Variants in PPP2R2D observed in about 807,000 individuals in gnomAD.
The protein encoded by PPP2R2D is protein phosphatase 2 regulatory subunit Bdelta.
In PPP2R2D, 9 loss-of-function variants were observed where a neutral mutation model predicts 31.1. That is an observed-to-expected ratio of 0.29 (90% CI 0.17 to 0.51). The LOEUF (loss-of-function observed/expected upper bound fraction) is 0.51. Ranked by LOEUF, PPP2R2D falls within the 20% of genes least tolerant of loss-of-function variation. PPP2R2D has a pLI of 0.98. For missense variants in PPP2R2D, 391 were observed against 465.6 expected, an observed-to-expected ratio of 0.84 and a Z score of 1.48; for synonymous variants, 179 against 172.6, an observed-to-expected ratio of 1.04 and a Z score of -0.29.
chr10:131,903,200 C>T (rs1020092792), intron 2 of PPP2R2D, among the ~76,000 whole-genome samples: 7 of 152,026 alleles, frequency 4.6e-5, no homozygotes, highest in Admixed American at 6.6e-5. Flanking sequence ...GGTGTTGTGG[C>T]TCATGCCTAT....
chr10:131,926,109 A>G (rs1444866367), intron 2 of PPP2R2D, among the ~76,000 whole-genome samples: 2 of 152,254 alleles, frequency 1.3e-5, no homozygotes, highest in East Asian at 3.9e-4. Flanking sequence ...TTGCCTGTGT[A>G]TTGCATTTGG....
Position 131,957,762 on chromosome 10 carries a change from C to T in PPP2R2D, c.*1799C>T. The T allele has an allele frequency of 6.5e-6, 1 of 153,720 alleles. No individual in the cohort carries two copies. The highest frequency in any genetic ancestry group is 2.1e-4 in the East Asian group (1 of 4,760). The allele number at this position is 153,720 out of a possible 1,614,324, so 9.5% of individuals were successfully genotyped here. On this transcript the variant is annotated 3_prime_UTR_variant, in exon 9 of 9. Transcript: ENST00000455566. The stretch of plus-strand genomic sequence containing the variant: ...GTGGAGATGAAGGGGTGTGCCAATC[C>T]CCCGCGCCCCTGTGGAGATGGAGGC...
chr10:131,940,416 T>G (rs1353108815), intron 4 of PPP2R2D, among the ~76,000 whole-genome samples, 166 bp from the exon 5 acceptor site: 1 of 152,224 alleles, frequency 6.6e-6, no homozygotes, highest in Non-Finnish European at 1.5e-5. Context: ...CTGCACATCT[T>G]TCTTTATTGT....
At chr10:131,962,834 G>A (rs2036942174), downstream of PPP2R2D, among the ~76,000 whole-genome samples, 2 of 152,348 alleles carry the variant, frequency 1.3e-5, no homozygotes, top group South Asian at 2.1e-4. Context: ...CAGAGGTCCA[G>A]ATAGAGCTCC....
At chr10:131,932,809 A>C (rs1239967425) in intron 2 of PPP2R2D, among the ~76,000 whole-genome samples, 2 of 152,116 alleles carry the variant, frequency 1.3e-5, no homozygotes, top group Admixed American at 1.3e-4. Context: ...TTGTGTATTT[A>C]GTTTGGGTTT....
intron 2 of PPP2R2D, among the ~76,000 whole-genome samples, chr10:131,913,621 G>C (rs1410379218): frequency 6.6e-6 from 1 of 152,150 alleles, no homozygotes; most frequent in Admixed American, 6.5e-5. Context: ...CTTAATGATG[G>C]GGGTGGATAT....
intron 8 of PPP2R2D, among the ~76,000 whole-genome samples, chr10:131,949,604 GATAAACTAAGA>G (rs2036603859): frequency 2.6e-5 from 4 of 152,258 alleles, no homozygotes; most frequent in Non-Finnish European, 5.9e-5. Context: ...AGTTAAAGAA[GATAAACTAAGA>G]ATGCTTGAGA....
At chr10:131,964,313 T>C (rs2036953823), downstream of PPP2R2D, among the ~76,000 whole-genome samples, 1 of 152,134 alleles carries the variant, frequency 6.6e-6, no homozygotes, top group African/African-American at 2.4e-5. Flanking sequence ...GGTATTTGCC[T>C]AATGGTGACT....
At chr10:131,925,698 C>G (rs570270496) in intron 2 of PPP2R2D, among the ~76,000 whole-genome samples, 21 of 152,196 alleles carry the variant, frequency 1.4e-4, no homozygotes, top group African/African-American at 4.8e-4. Flanking sequence ...CTCCTTAGTT[C>G]AGCTAAATTC....
intron 3 of PPP2R2D, among the ~76,000 whole-genome samples, chr10:131,937,463 C>T (rs1382389215): frequency 6.6e-6 from 1 of 152,192 alleles, no homozygotes; most frequent in Non-Finnish European, 1.5e-5. Context: ...CCCTGCTCTC[C>T]TGCCCGTGTC....
At chr10:131,944,592 T>C (rs1554897678) in intron 6 of PPP2R2D, among the ~76,000 whole-genome samples, 1 of 152,242 alleles carries the variant, frequency 6.6e-6, no homozygotes, top group African/African-American at 2.4e-5. Flanking sequence ...CCAGCCCTCC[T>C]CACATGGGCC....
chr10:131,950,298 T>C (rs1166383368), intron 8 of PPP2R2D, among the ~76,000 whole-genome samples: 1 of 152,180 alleles, frequency 6.6e-6, no homozygotes, highest in Non-Finnish European at 1.5e-5. Context: ...CAATTTTCTC[T>C]AAATTATGAA....
chr10:131,961,525 G>A (rs7098014), downstream of PPP2R2D, among the ~76,000 whole-genome samples: 42,588 of 152,102 alleles, frequency 0.28, 6,080 homozygotes, highest in East Asian at 0.45. Context: ...GCTGGGCACT[G>A]GGGTGATACT....
intron 2 of PPP2R2D, among the ~76,000 whole-genome samples, chr10:131,926,543 AC>A (rs1451416610): frequency 2.6e-5 from 4 of 152,014 alleles, no homozygotes; most frequent in Non-Finnish European, 4.4e-5. Flanking sequence ...ACAATTTCCC[AC>A]TTTTCTTGTC....
intron 8 of PPP2R2D, among the ~76,000 whole-genome samples, chr10:131,951,530 CTG>C (rs1270803227): frequency 6.6e-6 from 1 of 152,186 alleles, no homozygotes; most frequent in Non-Finnish European, 1.5e-5. Context: ...TTTTAAGAAT[CTG>C]TAACTATTGG....
chr10:131,954,644 T>C (rs556446239), intron 8 of PPP2R2D, among the ~76,000 whole-genome samples: 2 of 152,214 alleles, frequency 1.3e-5, no homozygotes, highest in South Asian at 4.1e-4. Flanking sequence ...TTTTTTTTTT[T>C]TTCCCCTGCT....
intron 2 of PPP2R2D, among the ~76,000 whole-genome samples, chr10:131,921,739 T>G (rs1216028202): frequency 2.6e-5 from 4 of 152,226 alleles, no homozygotes; most frequent in African/African-American, 9.6e-5. Context: ...TTTTTAATTT[T>G]CCAAAGTGAC....
intron 3 of PPP2R2D, among the ~76,000 whole-genome samples, chr10:131,938,587 C>T (rs2036385745): frequency 1.3e-5 from 2 of 152,198 alleles, no homozygotes; most frequent in Non-Finnish European, 2.9e-5. Flanking sequence ...CAGAGTTGCT[C>T]ATGATTTTGA....
At chr10:131,905,792 A>G (rs2035573071) in intron 2 of PPP2R2D, among the ~76,000 whole-genome samples, 1 of 152,232 alleles carries the variant, frequency 6.6e-6, no homozygotes, top group South Asian at 2.1e-4. Flanking sequence ...GGAGCGCTGT[A>G]CTGCTTCAGC....
Sources: gnomAD v4.1 joint callset for allele counts (sites outside exome capture counted in the v4.1 genomes callset) on GRCh38, gnomAD v4.1.1 for gene constraint, MANE v1.5 for transcripts, NCBI Gene and HGNC (gene_info 2026-07-23, HGNC 2026-07-21) for gene names.